SULF2: variants seen among roughly 807,000 people sequenced by gnomAD.
The protein encoded by SULF2 is sulfatase 2.
Under a neutral mutation model 107.7 loss-of-function variants are expected in SULF2, and 52 were observed. The observed-to-expected ratio is 0.48, with a 90% CI of 0.39 to 0.61. The LOEUF is 0.61. Ranked by LOEUF, SULF2 falls within the 20% of genes least tolerant of loss-of-function variation. SULF2 has a pLI of 0.00. For missense variants in SULF2, 993 were observed against 1,177.3 expected (o/e 0.84, Z 2.29); for synonymous variants, 460 against 464.3 (o/e 0.99, Z 0.12).
At chr20:47,752,738 G>A (rs1047487948) in intron 2 of SULF2, among the ~76,000 whole-genome samples, 2 of 152,142 alleles carry the variant, frequency 1.3e-5, no homozygotes, top group African/African-American at 4.8e-5. Flanking sequence ...GTGACAGAGC[G>A]AGACCCCGTC....
At chr20:47,780,331 T>G (rs2090806775) in intron 1 of SULF2, among the ~76,000 whole-genome samples, 2 of 151,848 alleles carry the variant, frequency 1.3e-5, no homozygotes, top group Admixed American at 6.6e-5. Context: ...CCACTTGACT[T>G]CTATTTGTGT....
At chr20:47,672,110 C>T in intron 11 of SULF2, 88 bp downstream of exon 11, 23 of 1,379,066 alleles carry the variant, frequency 1.7e-5, no homozygotes, top group Non-Finnish European at 2.3e-5. Flanking sequence ...AAGTGACAGT[C>T]TCTGTGGAAC....
chr20:47,736,913 GC>G lies in SULF2; in HGVS notation c.204del (p.Arg69AlafsTer15). Reference sequence around the variant, plus strand: ...TGCGCCCCGCCCTGCTCCATGATGCGCCGGGTCTTGTTCATCACCTGCATGG... The same window carrying G: ...TGCGCCCCGCCCTGCTCCATGATGCGCGGGTCTTGTTCATCACCTGCATGG... Reference protein sequence around the residue: ...LGSMQVMNKTRRIMEQGGAHF... With the variant: ...LGSMQVMNKTXRIMEQGGAHF... On this transcript the variant is annotated frameshift_variant, in exon 3 of 21. Coordinates refer to ENST00000688720, the MANE Select transcript of SULF2 (RefSeq NM_001387048.1). LOFTEE classifies it high-confidence loss of function. 1 of 1,614,202 alleles carries G rather than the reference GC, an allele frequency of 6.2e-7. No homozygotes were observed. Among genetic ancestry groups the G allele is most frequent in the Non-Finnish European group, 8.5e-7 (1 of 1,180,022 alleles).
At chr20:47,760,383 G>A (rs138117054) in intron 1 of SULF2, among the ~76,000 whole-genome samples, 44 of 152,058 alleles carry the variant, frequency 2.9e-4, no homozygotes, top group African/African-American at 1.0e-3. Flanking sequence ...AGTAGCCTTC[G>A]TGTCTGTGTG....
chr20:47,679,068 C>T (rs1377146973), intron 7 of SULF2, among the ~76,000 whole-genome samples: 1 of 149,362 alleles, frequency 6.7e-6, no homozygotes, highest in Non-Finnish European at 1.5e-5. Flanking sequence ...CCCCCTCCTG[C>T]CCTTCCTGTC....
chr20:47,767,955 G>T (rs2090557808), intron 1 of SULF2, among the ~76,000 whole-genome samples: 1 of 151,798 alleles, frequency 6.6e-6, no homozygotes, highest in Non-Finnish European at 1.5e-5. Flanking sequence ...CCCACCCTTG[G>T]TCCACAAAGT....
chr20:47,670,394 G>T (rs1343431666), intron 11 of SULF2, among the ~76,000 whole-genome samples: 1 of 151,436 alleles, frequency 6.6e-6, no homozygotes, highest in Non-Finnish European at 1.5e-5. Context: ...GTTTCACCTT[G>T]TTGGCCAGAC....
chr20:47,715,927 T>A (rs560754337), intron 3 of SULF2, among the ~76,000 whole-genome samples: 1 of 152,154 alleles, frequency 6.6e-6, no homozygotes, highest in Non-Finnish European at 1.5e-5. Context: ...CCTCTGTGAG[T>A]GGAGGAGTGG....
At chr20:47,665,445 G>T (rs1419013274) in intron 13 of SULF2, 152 bp from the exon 14 acceptor site, 1 of 661,586 alleles carries the variant, frequency 1.5e-6, no homozygotes, top group East Asian at 2.6e-5. Context: ...ATGTCTGGGT[G>T]GGGAGGAGGT....
At position 47,785,445 on chromosome 20, in the gene SULF2, TGCCGCTGCCGCCGCCGCCGCC is replaced by T. The variant is rs1045439491; in HGVS notation, c.-224_-204del. ...GGCGCAGGGGACTCCGCGCCGCCGC[TGCCGCTGCCGCCGCCGCCGCC>T]GCCGCTGCCGCTGCTGCATCCCCCG... On this transcript the variant is annotated 5_prime_UTR_variant, in exon 1 of 21. Transcript: ENST00000688720. 5.4e-5 allele frequency: 8 copies of T among 147,550 alleles called. No individual in the cohort carries two copies. The highest frequency in any genetic ancestry group is 1.4e-4 in the Admixed American group (2 of 14,244). The allele number at this position is 147,550 out of a possible 1,614,324, so 9.1% of individuals were successfully genotyped here.
intron 3 of SULF2, among the ~76,000 whole-genome samples, chr20:47,718,666 C>A (rs187004392): frequency 1.3e-5 from 2 of 151,962 alleles, no homozygotes; most frequent in Non-Finnish European, 2.9e-5. Flanking sequence ...ATGTGGCATG[C>A]GAAAGAAGTA....
intron 8 of SULF2, 63 bp from the exon 9 acceptor site, chr20:47,677,197 C>CCCAGGAGCAGGGACGGCA: frequency 6.3e-7 from 1 of 1,583,890 alleles, no homozygotes; most frequent in Non-Finnish European, 8.7e-7. Context: ...CCCCCGTTCC[C>CCCAGGAGCAGGGACGGCA]CCAGGAGCAG....
At chr20:47,712,430 G>A (rs1057156758) in intron 3 of SULF2, among the ~76,000 whole-genome samples, 3 of 152,150 alleles carry the variant, frequency 2.0e-5, no homozygotes, top group Admixed American at 1.3e-4. Flanking sequence ...TATAGTCACC[G>A]GGCTGTTTAT....
Position 47,680,769 on chromosome 20 carries a change from G to A in SULF2, c.1065-1965C>T, listed in dbSNP as rs575572672. Among the ~76,000 whole-genome samples the A allele has an allele frequency of 7.2e-5, 11 of 152,318 alleles. No individual in the cohort carries two copies. Among genetic ancestry groups the A allele is most frequent in the African/African-American group, 2.2e-4 (9 of 41,568 alleles). The stretch of plus-strand genomic sequence containing the variant: ...GGGCGCTCTGCAGAACCCAGCAACC[G>A]GCAGCTAATGGGGCTGAGCTTGTCC... On this transcript the variant is annotated intron_variant, in intron 7 of 20. Coordinates refer to ENST00000688720, the MANE Select transcript of SULF2 (RefSeq NM_001387048.1). This position sits in a 1 kb window ranked among gnomAD's most constrained non-coding sequence, Gnocchi z 4.2.
chr20:47,683,367 G>A (rs564280886), intron 6 of SULF2, among the ~76,000 whole-genome samples, 198 bp from the exon 7 acceptor site: 30 of 151,520 alleles, frequency 2.0e-4, no homozygotes, highest in South Asian at 4.3e-4. Context: ...TCCCCTCCAC[G>A]GTTCTTCATG....
At chr20:47,770,219 C>T (rs939092341) in intron 1 of SULF2, among the ~76,000 whole-genome samples, 1 of 151,918 alleles carries the variant, frequency 6.6e-6, no homozygotes, top group Non-Finnish European at 1.5e-5. Context: ...GACAACCATG[C>T]CCGATTACTT....
chr20:47,663,490 G>A lies in SULF2; in HGVS notation c.2190C>T (p.His730=), dbSNP rs371128046. The A allele has an allele frequency of 6.8e-5, 110 of 1,611,340 alleles. 2 individuals are homozygous for A. In the South Asian group the frequency reaches 8.2e-4, roughly 12 times the overall value. Residue 730 remains histidine (H), a synonymous_variant, in exon 16 of 21, where the codon CAC becomes CAT. Transcript: ENST00000688720. Reference sequence around the variant, plus strand: ...GCGCCGTCTGCCAGTGCTGGTTGTCGTGGGTGAAGCACGTGAGGCCTGGCA... The same window carrying A: ...GCGCCGTCTGCCAGTGCTGGTTGTCATGGGTGAAGCACGTGAGGCCTGGCA... ...CSMPGLTCFT[H]DNQHWQTAPF...
intron 4 of SULF2, among the ~76,000 whole-genome samples, chr20:47,700,993 G>T (rs963799833): frequency 6.6e-6 from 1 of 152,142 alleles, no homozygotes; most frequent in South Asian, 2.1e-4. Context: ...CCTTCTTTGG[G>T]TGTATAACCA....
rs963552107 is a variant in SULF2, at chr20:47,666,535, G to A, written c.1577-47C>T. On this transcript the variant is annotated intron_variant, in intron 11 of 20. Coordinates refer to ENST00000688720, the MANE Select transcript of SULF2 (RefSeq NM_001387048.1). This position sits in a 1 kb window ranked among gnomAD's most constrained non-coding sequence, Gnocchi z 5.4. ...CAGAGTTAGGGAGGCAGGAAAGGCT[G>A]GCCAGGCTCCCAGGGCAGTGGGTCC... is the stretch of plus-strand genomic sequence containing the variant. The A allele has an allele frequency of 2.6e-6, 4 of 1,512,716 alleles. No homozygotes were observed. Among genetic ancestry groups the A allele is most frequent in the African/African-American group, 2.7e-5 (2 of 73,116 alleles). 93.7% of individuals were successfully genotyped at this position (1,512,716 alleles called of 1,614,324 possible). A position where few individuals can be genotyped will look rare whatever the true frequency, so the allele number is the denominator to read the frequency against.
Sources: gnomAD v4.1 joint callset for allele counts (sites outside exome capture counted in the v4.1 genomes callset) on GRCh38, gnomAD v4.1.1 for gene constraint, Gnocchi (gnomAD v3.1) non-coding constraint, MANE v1.5 for transcripts, NCBI Gene and HGNC (gene_info 2026-07-23, HGNC 2026-07-21) for gene names.